NUDT13: variants seen among roughly 807,000 people sequenced by gnomAD.
NUDT13 encodes nudix hydrolase 13, also known as NAD(P)H pyrophosphatase NUDT13, mitochondrial.
A neutral mutation model predicts 41.7 loss-of-function variants in NUDT13; 40 were observed. That is an observed-to-expected ratio of 0.96 (90% CI 0.75 to 1.25). NUDT13 has a LOEUF of 1.25. Ranked by LOEUF, NUDT13 falls within the 50% of genes most tolerant of loss-of-function variation. The probability of loss-of-function intolerance (pLI) is 0.00; values close to 1 mark genes in which losing one functional copy is unlikely to be tolerated. For missense variants in NUDT13, 390 were observed against 416.1 expected, an observed-to-expected ratio of 0.94 and a Z score of 0.55; for synonymous variants, 145 against 155.5, an observed-to-expected ratio of 0.93 and a Z score of 0.50.
At chr10:73,125,674 T>TATATATATATATATATATATATAC in intron 7 of NUDT13, 165 bp downstream of exon 7, 1 of 173,388 alleles carries the variant, frequency 5.8e-6, no homozygotes, top group African/African-American at 2.5e-5. Context: ...TATATATATA[T>TATATATATATATATATATATATAC]ATAAAATTTT....
intron 1 of NUDT13, among the ~76,000 whole-genome samples, chr10:73,113,865 T>C (rs1842429716): frequency 6.6e-6 from 1 of 152,198 alleles, no homozygotes; most frequent in South Asian, 2.1e-4. Flanking sequence ...ATTCTTGACT[T>C]TTTTTACTGC....
intron 8 of NUDT13, among the ~76,000 whole-genome samples, chr10:73,129,763 A>C (rs1010514187): frequency 2.0e-5 from 3 of 151,638 alleles, no homozygotes; most frequent in Middle Eastern, 3.4e-3. Context: ...GGATCACCTG[A>C]GGTCAGGAGT....
At chr10:73,129,346 T>C (rs1842863479) in intron 8 of NUDT13, among the ~76,000 whole-genome samples, 1 of 151,864 alleles carries the variant, frequency 6.6e-6, no homozygotes, top group Non-Finnish European at 1.5e-5. Context: ...CTAATTTTTG[T>C]ATTTTTATTA....
intron 5 of NUDT13, 120 bp from the exon 6 acceptor site, chr10:73,124,998 C>T (rs1564652936): frequency 7.2e-6 from 8 of 1,113,910 alleles, no homozygotes; most frequent in African/African-American, 3.2e-5. Flanking sequence ...ATTTAAATTA[C>T]GTGAGCTGTA....
intron 1 of NUDT13, among the ~76,000 whole-genome samples, chr10:73,112,301 C>T (rs779360616): frequency 1.1e-4 from 16 of 151,652 alleles, no homozygotes; most frequent in Non-Finnish European, 2.2e-4. Context: ...TGCGGTGAGC[C>T]GAGATTGCGC....
intron 1 of NUDT13, among the ~76,000 whole-genome samples, chr10:73,112,884 T>G (rs1842403221): frequency 1.4e-5 from 2 of 147,822 alleles, no homozygotes; most frequent in Non-Finnish European, 2.9e-5. Flanking sequence ...TTATTTTCTA[T>G]TTGTTCTTTT....
At chr10:73,123,604 G>C (rs1371148876) in intron 4 of NUDT13, among the ~76,000 whole-genome samples, 1 of 152,164 alleles carries the variant, frequency 6.6e-6, no homozygotes, top group African/African-American at 2.4e-5. Flanking sequence ...CTCCATGCCA[G>C]CTGCTTTAGA....
intron 2 of NUDT13, among the ~76,000 whole-genome samples, chr10:73,119,149 G>A (rs1041918620): frequency 6.6e-6 from 1 of 151,602 alleles, no homozygotes; most frequent in African/African-American, 2.4e-5. Flanking sequence ...AGGTTCAAGC[G>A]ATTCTTCGGC....
At position 73,126,791 on chromosome 10, in the gene NUDT13, T is replaced by C; in HGVS notation, c.822T>C (p.Ile274=). The C allele has an allele frequency of 6.2e-7, 1 of 1,614,170 alleles. No homozygotes were observed. Among genetic ancestry groups the C allele is most frequent in the Non-Finnish European group, 8.5e-7 (1 of 1,180,026 alleles). The change falls in exon 8 of 9, where the codon ATT becomes ATC. Residue 274 remains isoleucine, a synonymous_variant. Transcript: ENST00000357321. ...HWPFPSGSLM[I]ACHATVKPGQ... is the part of the protein sequence containing the mutation. ...CCTTCCCTAGTGGCTCACTCATGAT[T>C]GCTTGCCATGCAACTGTGAAACCAG...
rs374101028 is a variant in NUDT13, at chr10:73,126,804, A to G, written c.835A>G (p.Thr279Ala). The change falls in exon 8 of 9, where the codon ACT (threonine) becomes GCT (alanine). Residue 279 changes from threonine (T) to alanine (A), a missense_variant. Coordinates refer to ENST00000357321, the MANE Select transcript of NUDT13 (RefSeq NM_015901.6). ...CTCACTCATGATTGCTTGCCATGCAACTGTGAAACCAGGGCAGACAGAAGT... is the reference window on the plus strand; with the variant it reads ...CTCACTCATGATTGCTTGCCATGCAGCTGTGAAACCAGGGCAGACAGAAGT... ...SGSLMIACHA[T>A]VKPGQTEIQV... 8 of 1,614,146 alleles carry G rather than the reference A, an allele frequency of 5.0e-6. No individual in the cohort carries two copies. The African/African-American group carries it at 6.7e-5, about 13-fold the overall frequency.
chr10:73,113,454 T>G (rs1186588492), intron 1 of NUDT13, among the ~76,000 whole-genome samples: 1 of 152,208 alleles, frequency 6.6e-6, no homozygotes, highest in Admixed American at 6.5e-5. Flanking sequence ...TTGGGGTTAT[T>G]AAAGTAGGAA....
At chr10:73,127,832 C>T (rs1842831429) in intron 8 of NUDT13, among the ~76,000 whole-genome samples, 2 of 150,866 alleles carry the variant, frequency 1.3e-5, no homozygotes, top group East Asian at 3.9e-4. Context: ...TAATTGTAGA[C>T]CTTATGGTGT....
At chr10:73,128,014 T>A (rs1243370732) in intron 8 of NUDT13, among the ~76,000 whole-genome samples, 1 of 152,176 alleles carries the variant, frequency 6.6e-6, no homozygotes, top group Non-Finnish European at 1.5e-5. Flanking sequence ...AGATTCCACA[T>A]ATAAGTGAGA....
At position 73,126,716 on chromosome 10, in the gene NUDT13, G is replaced by T. The variant is rs1389383972; in HGVS notation, c.747G>T (p.Glu249Asp). ...EETIRREVAE[E>D]VGLEVESLQY... ...CCATCCGCCGAGAAGTTGCAGAAGA[G>T]GTGGGATTGGAGGTGGAAAGCCTGC... is the stretch of plus-strand genomic sequence containing the variant. The change falls in exon 8 of 9, where the codon GAG becomes GAT. Residue 249 changes from glutamate to aspartate, a missense_variant. Physicochemically the swap from Glu to Asp is conservative, Grantham distance 45. Transcript: ENST00000357321. 1 of 1,614,170 alleles carries T rather than the reference G, an allele frequency of 6.2e-7. No homozygotes were observed. The highest frequency in any genetic ancestry group is 2.2e-5 in the East Asian group (1 of 44,882).
chr10:73,118,830 G>C (rs370262155), intron 2 of NUDT13, among the ~76,000 whole-genome samples: 380 of 151,726 alleles, frequency 2.5e-3, no homozygotes, highest in African/African-American at 8.7e-3. Flanking sequence ...AAATTAGCTG[G>C]GCATGGTGGG....
intron 8 of NUDT13, 74 bp from the exon 9 acceptor site, chr10:73,130,629 T>C: frequency 1.6e-6 from 2 of 1,246,192 alleles, no homozygotes; most frequent in East Asian, 2.3e-5. Flanking sequence ...AGAATCATTT[T>C]CTGACCTTTG....
rs1346248336 is a variant in NUDT13, at chr10:73,116,474, T to A, written c.83+2026T>A. On this transcript the variant is annotated intron_variant, in intron 2 of 8. Coordinates refer to ENST00000357321, the MANE Select transcript of NUDT13 (RefSeq NM_015901.6). ...AGAGGCATATAAAGGCTGGGTGCAG[T>A]GGCTCATGCCTGTAATCCCAGCACT... is the stretch of plus-strand genomic sequence containing the variant. Among the ~76,000 whole-genome samples the A allele has an allele frequency of 2.6e-5, 4 of 152,098 alleles. No individual in the cohort carries two copies. The East Asian group carries it at 7.7e-4, about 29-fold the overall frequency.
chr10:73,123,628 G>T (rs374104536), intron 4 of NUDT13, among the ~76,000 whole-genome samples: 1 of 151,946 alleles, frequency 6.6e-6, no homozygotes, highest in Non-Finnish European at 1.5e-5. Context: ...TCCAGGTAGG[G>T]GCTTGAGAAT....
chr10:73,123,708 T>C (rs1842701783), intron 4 of NUDT13, among the ~76,000 whole-genome samples: 1 of 152,186 alleles, frequency 6.6e-6, no homozygotes, highest in African/African-American at 2.4e-5. Context: ...TCACCCAGGC[T>C]GGAGTGCAAT....
Sources: gnomAD v4.1 joint callset for allele counts (sites outside exome capture counted in the v4.1 genomes callset) on GRCh38, gnomAD v4.1.1 for gene constraint, MANE v1.5 for transcripts, NCBI Gene and HGNC (gene_info 2026-07-23, HGNC 2026-07-21) for gene names.